Variants in FBH1 observed in about 807,000 individuals in gnomAD.
FBH1 encodes the protein DNA 3'-5' helicase 1.
A neutral mutation model predicts 115.5 loss-of-function variants in FBH1; 43 were observed. The ratio of observed to expected loss-of-function variants is 0.37; its 90% CI spans 0.29 to 0.48. The LOEUF (loss-of-function observed/expected upper bound fraction) is 0.48. Ranked by LOEUF, FBH1 falls within the 20% of genes least tolerant of loss-of-function variation. The pLI is 0.99. For synonymous variants in FBH1, 524 were observed against 507.8 expected (o/e 1.03, Z -0.43); for missense variants, 1,001 against 1,337.3 (o/e 0.75, Z 3.92).
In FBH1 at chr10:5,923,575, CA is replaced by C. The variant is rs776788363; in HGVS notation, c.2323-40del. On this transcript the variant is annotated intron_variant, in intron 15 of 20. Transcript: ENST00000362091. The surrounding 1 kb of genome is among the most constrained non-coding windows in gnomAD (Gnocchi z 5.7). ...TAAAGCAACAACAAACAAAACAAAA[CA>C]AAAAACAACAAAAAAACAAAAATCC... 6.6e-7 allele frequency: 1 copy of C among 1,522,824 alleles called. No homozygotes were observed. Among genetic ancestry groups the C allele is most frequent in the African/African-American group, 1.4e-5 (1 of 72,222 alleles). 94.3% of individuals were successfully genotyped at this position (1,522,824 alleles called of 1,614,324 possible).
chr10:5,912,642 C>A (rs903686532), intron 6 of FBH1, among the ~76,000 whole-genome samples: 1 of 152,188 alleles, frequency 6.6e-6, no homozygotes, highest in Non-Finnish European at 1.5e-5. Flanking sequence ...CAGGATTCCC[C>A]AGAAATGTCC....
intron 1 of FBH1, among the ~76,000 whole-genome samples, chr10:5,894,770 A>G (rs976618282): frequency 1.3e-5 from 2 of 152,244 alleles, no homozygotes; most frequent in Admixed American, 6.5e-5. Context: ...ACTCCTTCCC[A>G]CTAGAGCAGA....
chr10:5,911,441 T>C lies in FBH1; in HGVS notation c.1211+313T>C, dbSNP rs1286195848. Among the ~76,000 whole-genome samples the C allele has an allele frequency of 1.3e-5, 2 of 152,262 alleles. No individual in the cohort carries two copies. Among genetic ancestry groups the C allele is most frequent in the African/African-American group, 4.8e-5 (2 of 41,466 alleles). On this transcript the variant is annotated intron_variant, in intron 6 of 20. Coordinates refer to ENST00000362091, the MANE Select transcript of FBH1 (RefSeq NM_178150.3). This position sits in a 1 kb window ranked among gnomAD's most constrained non-coding sequence, Gnocchi z 5.4. The stretch of plus-strand genomic sequence containing the variant: ...AAGCCTTTCTTATTCACCCGTGGCC[T>C]CGCTTCCCTAGGAAAATGTTAGGCT...
intron 19 of FBH1, chr10:5,934,386 T>G (rs1833186392): frequency 6.6e-6 from 1 of 150,558 alleles, no homozygotes; most frequent in African/African-American, 2.5e-5. Context: ...GTTTTTTTTT[T>G]TTTTTGAGAT....
intron 1 of FBH1, among the ~76,000 whole-genome samples, chr10:5,891,753 G>T (rs529548573): frequency 6.6e-6 from 1 of 152,334 alleles, no homozygotes; most frequent in East Asian, 1.9e-4. Flanking sequence ...GGGATTACAG[G>T]CGTGTGCCAC....
chr10:5,933,280 C>T lies in FBH1; in HGVS notation c.2830-3176C>T, dbSNP rs1234201455. Among the ~76,000 whole-genome samples, 1 of 152,124 alleles carries T rather than the reference C, an allele frequency of 6.6e-6. No homozygotes were observed. The highest frequency in any genetic ancestry group is 6.5e-5 in the Admixed American group (1 of 15,280). On this transcript the variant is annotated intron_variant, in intron 19 of 20. Coordinates refer to ENST00000362091, the MANE Select transcript of FBH1 (RefSeq NM_178150.3). The surrounding 1 kb of genome is among the most constrained non-coding windows in gnomAD (Gnocchi z 4.9). ...GCGTATGCCTGTAATCCCAGCTACTCAGGAGGCTGAGGCAGGAGAATCACT... is the reference window on the plus strand; with the variant it reads ...GCGTATGCCTGTAATCCCAGCTACTTAGGAGGCTGAGGCAGGAGAATCACT...
chr10:5,916,315 A>C lies in FBH1; in HGVS notation c.1647A>C (p.Gly549=), dbSNP rs114955072. The change falls in exon 10 of 21, where the codon GGA becomes GGC. Residue 549 remains glycine (G), a synonymous_variant. Coordinates refer to ENST00000362091, the MANE Select transcript of FBH1 (RefSeq NM_178150.3). ...CCGTCCTTGCTGAAGGGAAGGGTGG[A>C]TTCATAAGAGCCAAGCTTGTGTGTA... ...VNSVLAEGKG[G]FIRAKLVCKT... is the part of the protein sequence containing the mutation. 1,182 of 1,614,228 alleles carry C rather than the reference A, an allele frequency of 7.3e-4. 8 individuals are homozygous for C. In the African/African-American group the frequency reaches 0.014, roughly 19 times the overall value.
At chr10:5,894,394 A>G in intron 1 of FBH1, 1 of 1,595,166 alleles carries the variant, frequency 6.3e-7, no homozygotes, top group Non-Finnish European at 8.6e-7. Flanking sequence ...AGCTGCTTTC[A>G]AGGTGTCTAG....
In FBH1 at chr10:5,925,526, G is replaced by A. The variant is rs200645481; in HGVS notation, c.2722+34G>A. ...CCGCCGGGTAGTGTCAGGTGCTGCT[G>A]TATGTAGTGAGTGGTGACTGGAATG... On this transcript the variant is annotated intron_variant, in intron 18 of 20. Transcript: ENST00000362091. The surrounding 1 kb of genome is among the most constrained non-coding windows in gnomAD (Gnocchi z 4.6). The A allele has an allele frequency of 1.1e-4, 181 of 1,611,654 alleles. No homozygotes were observed. The highest frequency in any genetic ancestry group is 1.4e-4 in the Non-Finnish European group (169 of 1,179,346).
chr10:5,916,704 C>T (rs999811351), intron 10 of FBH1, among the ~76,000 whole-genome samples: 8 of 92,906 alleles, frequency 8.6e-5, no homozygotes, highest in African/African-American at 3.2e-4. Flanking sequence ...GATGGGGGAA[C>T]GGGAAGTGTT....
At position 5,931,007 on chromosome 10, in the gene FBH1, C is replaced by T. The variant is rs1480731311; in HGVS notation, c.2829+3466C>T. 2.0e-5 allele frequency among the ~76,000 whole-genome samples: 3 copies of T among 152,298 alleles called. No homozygotes were observed. In the East Asian group the frequency reaches 5.8e-4, roughly 29 times the overall value. The stretch of plus-strand genomic sequence containing the variant: ...TGAACTCCTGGGCTTAAGTGATCCT[C>T]CTACCTCAGCCTCCCAAAGTTCTGG... On this transcript the variant is annotated intron_variant, in intron 19 of 20. Transcript: ENST00000362091. The surrounding 1 kb of genome is among the most constrained non-coding windows in gnomAD (Gnocchi z 4.3).
At chr10:5,916,105 A>C (rs574036161) in intron 9 of FBH1, 129 bp from the exon 10 acceptor site, 2 of 817,246 alleles carry the variant, frequency 2.4e-6, no homozygotes, top group African/African-American at 1.7e-5. Context: ...TTTCGCTTTA[A>C]AACATTAACA....
rs1589044718 is a variant in FBH1, at chr10:5,895,836, G to C, written c.1+5490G>C. Among the ~76,000 whole-genome samples the C allele has an allele frequency of 6.6e-6, 1 of 152,204 alleles. No individual in the cohort carries two copies. Among genetic ancestry groups the C allele is most frequent in the African/African-American group, 2.4e-5 (1 of 41,448 alleles). ...TCTGGAAGAGGCGTGTGCTGCTGCTGTTCCCATTGCATTGGCTGGCACCCA... is the reference window on the plus strand; with the variant it reads ...TCTGGAAGAGGCGTGTGCTGCTGCTCTTCCCATTGCATTGGCTGGCACCCA... On this transcript the variant is annotated intron_variant, in intron 1 of 20. Coordinates refer to ENST00000362091, the MANE Select transcript of FBH1 (RefSeq NM_178150.3). The surrounding 1 kb of genome is among the most constrained non-coding windows in gnomAD (Gnocchi z 5.0).
At position 5,931,936 on chromosome 10, in the gene FBH1, G is replaced by A. The variant is rs966513061; in HGVS notation, c.2829+4395G>A. ...AGGCAGACAGGTCACTTTAAGTCAG[G>A]AGTTAGAGATCAGCCTGGCCAACAT... On this transcript the variant is annotated intron_variant, in intron 19 of 20. Coordinates refer to ENST00000362091, the MANE Select transcript of FBH1 (RefSeq NM_178150.3). This position sits in a 1 kb window ranked among gnomAD's most constrained non-coding sequence, Gnocchi z 4.3. Among the ~76,000 whole-genome samples the A allele has an allele frequency of 1.3e-5, 2 of 152,208 alleles. No homozygotes were observed. The highest frequency in any genetic ancestry group is 2.4e-5 in the African/African-American group (1 of 41,446).
chr10:5,908,714 C>A (rs977366313), intron 3 of FBH1, among the ~76,000 whole-genome samples: 3 of 151,810 alleles, frequency 2.0e-5, no homozygotes, highest in African/African-American at 7.3e-5. Flanking sequence ...TCAAGTGATT[C>A]TCCTGCCTCA....
At position 5,913,851 on chromosome 10, in the gene FBH1, T is replaced by C. The variant is rs1438987383; in HGVS notation, c.1304+12T>C. On this transcript the variant is annotated intron_variant, in intron 7 of 20. Coordinates refer to ENST00000362091, the MANE Select transcript of FBH1 (RefSeq NM_178150.3). The surrounding 1 kb of genome is among the most constrained non-coding windows in gnomAD (Gnocchi z 4.4). ...TCTGTCTGGCCAGGGTATGTGTATA[T>C]GTGCGTCAGCGTGTGTTTTGTCTTC... is the stretch of plus-strand genomic sequence containing the variant. 5 of 1,579,676 alleles carry C rather than the reference T, an allele frequency of 3.2e-6. No homozygotes were observed. The highest frequency in any genetic ancestry group is 4.3e-6 in the Non-Finnish European group (5 of 1,161,580).
In FBH1 at chr10:5,900,190, T is replaced by C. The variant is rs1843252883; in HGVS notation, c.2-2830T>C. On this transcript the variant is annotated intron_variant, in intron 1 of 20. Transcript: ENST00000362091. This position sits in a 1 kb window ranked among gnomAD's most constrained non-coding sequence, Gnocchi z 4.2. Reference sequence around the variant, plus strand: ...TAATTTGAAGGATATTTCAATGTCTTAGGCAGGCTACTCACATAAGCCTTG... The same window carrying C: ...TAATTTGAAGGATATTTCAATGTCTCAGGCAGGCTACTCACATAAGCCTTG... 6.6e-6 allele frequency among the ~76,000 whole-genome samples: 1 copy of C among 152,260 alleles called. No homozygotes were observed. Among genetic ancestry groups the C allele is most frequent in the South Asian group, 2.1e-4 (1 of 4,834 alleles).
chr10:5,924,590 C>G lies in FBH1; in HGVS notation c.2596+82C>G, dbSNP rs1832519662. The G allele has an allele frequency of 7.4e-7, 1 of 1,345,828 alleles. No homozygotes were observed. The highest frequency in any genetic ancestry group is 1.0e-6 in the Non-Finnish European group (1 of 964,722). 83.4% of individuals were successfully genotyped at this position (1,345,828 alleles called of 1,614,324 possible). On this transcript the variant is annotated intron_variant, in intron 17 of 20. Transcript: ENST00000362091. The surrounding 1 kb of genome is among the most constrained non-coding windows in gnomAD (Gnocchi z 6.2). ...TGCTGTTCTTTTTTTTTTTTTGAGA[C>G]AGAGTATTGCTCTGTTGCCCAGGCT...
In FBH1 at chr10:5,913,719, T is replaced by A; in HGVS notation, c.1212-28T>A. 6.7e-7 allele frequency: 1 copy of A among 1,483,890 alleles called. No individual in the cohort carries two copies. The highest frequency in any genetic ancestry group is 2.5e-5 in the East Asian group (1 of 40,732). 91.9% of individuals were successfully genotyped at this position (1,483,890 alleles called of 1,614,324 possible). On this transcript the variant is annotated intron_variant, in intron 6 of 20. Transcript: ENST00000362091. The surrounding 1 kb of genome is among the most constrained non-coding windows in gnomAD (Gnocchi z 4.4). ...GCAGATTGTGACTTGAATTTGAGAC[T>A]TTCTAAATCTACTTTTTTTTCTGGT...
Sources: allele counts gnomAD v4.1 joint callset (sites outside exome capture counted in the v4.1 genomes callset), GRCh38; gene constraint gnomAD v4.1.1; non-coding constraint Gnocchi (gnomAD v3.1); transcripts MANE v1.5; gene names NCBI Gene and HGNC (gene_info 2026-07-23, HGNC 2026-07-21).